Variants in GPC5 observed in about 807,000 individuals in gnomAD.
The protein encoded by GPC5 is glypican-5.
A neutral mutation model predicts 53.9 loss-of-function variants in GPC5; 47 were observed. That is an observed-to-expected ratio of 0.87 (90% CI 0.69 to 1.11). GPC5 has a LOEUF of 1.11. Ranked by LOEUF, GPC5 falls within the 50% of genes most tolerant of loss-of-function variation. GPC5 has a pLI of 0.00. For missense variants in GPC5, 748 were observed against 713.1 expected, an observed-to-expected ratio of 1.05 and a Z score of -0.56; for synonymous variants, 286 against 263.3, an observed-to-expected ratio of 1.09 and a Z score of -0.84.
intron 7 of GPC5, among the ~76,000 whole-genome samples, chr13:92,628,732 C>T (rs148512843): frequency 1.3e-5 from 2 of 152,198 alleles, no homozygotes; most frequent in Admixed American, 6.5e-5. Context: ...GTGTTCAAAC[C>T]CCTGACTCCT....
intron 7 of GPC5, among the ~76,000 whole-genome samples, chr13:92,419,669 C>A (rs1876473698): frequency 6.6e-6 from 1 of 152,160 alleles, no homozygotes; most frequent in Non-Finnish European, 1.5e-5. Context: ...GGTTTCTAGA[C>A]TAGCATACTG....
At chr13:92,804,498 A>G (rs989590458) in intron 7 of GPC5, among the ~76,000 whole-genome samples, 6 of 152,070 alleles carry the variant, frequency 3.9e-5, no homozygotes, top group Non-Finnish European at 8.8e-5. Context: ...CTAAAAAACA[A>G]TGCATACACT....
chr13:92,389,021 G>T (rs905426000), intron 7 of GPC5, among the ~76,000 whole-genome samples: 5 of 152,066 alleles, frequency 3.3e-5, no homozygotes, highest in African/African-American at 1.2e-4. Context: ...AGATGTCAGT[G>T]ATGGAAAGCA....
chr13:91,828,164 G>C lies in GPC5; in HGVS notation c.1280+71744G>C, dbSNP rs559715200. ...ATTGGTGCTTTGTGTAGAGTGGAAAGATAACTTTCTCAGATTACTTTAATG... is the reference window on the plus strand; with the variant it reads ...ATTGGTGCTTTGTGTAGAGTGGAAACATAACTTTCTCAGATTACTTTAATG... On this transcript the variant is annotated intron_variant, in intron 5 of 7. Coordinates refer to ENST00000377067, the MANE Select transcript of GPC5 (RefSeq NM_004466.6). 2.4e-4 allele frequency among the ~76,000 whole-genome samples: 36 copies of C among 152,162 alleles called. 1 individual carries two copies. The highest frequency in any genetic ancestry group is 8.4e-4 in the African/African-American group (35 of 41,542).
chr13:92,794,487 C>A (rs1032186575), intron 7 of GPC5, among the ~76,000 whole-genome samples: 1 of 152,040 alleles, frequency 6.6e-6, no homozygotes, highest in Non-Finnish European at 1.5e-5. Context: ...ACAAGGATGC[C>A]CTCTCTCACC....
At chr13:92,646,165 A>T (rs1467090491) in intron 7 of GPC5, among the ~76,000 whole-genome samples, 1 of 152,132 alleles carries the variant, frequency 6.6e-6, no homozygotes, top group African/African-American at 2.4e-5. Context: ...TACATGTTAC[A>T]TTCAGGCCTC....
chr13:92,601,471 T>C (rs759737228), intron 7 of GPC5, among the ~76,000 whole-genome samples: 1 of 149,112 alleles, frequency 6.7e-6, no homozygotes, highest in Non-Finnish European at 1.5e-5. Flanking sequence ...AGGAGAATTG[T>C]TTGAACCCAG....
chr13:91,992,171 A>G (rs1465608370), intron 6 of GPC5, among the ~76,000 whole-genome samples: 1 of 152,084 alleles, frequency 6.6e-6, no homozygotes, highest in Non-Finnish European at 1.5e-5. Flanking sequence ...AGCAGGGACT[A>G]TAGGTGCACA....
chr13:91,918,504 T>C (rs2139012946), intron 6 of GPC5, among the ~76,000 whole-genome samples: 1 of 152,320 alleles, frequency 6.6e-6, no homozygotes, highest in East Asian at 1.9e-4. Flanking sequence ...TTGTGCTAGA[T>C]AATTATCTTT....
At chr13:91,478,881 T>TTATATATATATATATATATACACA (rs1883133004) in intron 2 of GPC5, among the ~76,000 whole-genome samples, 3 of 67,510 alleles carry the variant, frequency 4.4e-5, no homozygotes, top group African/African-American at 2.0e-4. Flanking sequence ...TATATACACA[T>TTATATATATATATATATATACACA]TATATATATA....
At chr13:91,861,546 G>T (rs1018395479) in intron 5 of GPC5, among the ~76,000 whole-genome samples, 1 of 151,786 alleles carries the variant, frequency 6.6e-6, no homozygotes, top group Admixed American at 6.6e-5. Context: ...CCTAATGCTT[G>T]TTGTGTATAT....
chr13:92,676,505 A>G (rs559728888), intron 7 of GPC5, among the ~76,000 whole-genome samples: 10 of 152,218 alleles, frequency 6.6e-5, no homozygotes, highest in Non-Finnish European at 1.5e-4. Flanking sequence ...TCAAATAAAG[A>G]AACACGCAAA....
At chr13:92,013,581 T>C (rs767710422) in intron 6 of GPC5, among the ~76,000 whole-genome samples, 1 of 152,160 alleles carries the variant, frequency 6.6e-6, no homozygotes, top group East Asian at 1.9e-4. Context: ...CAAACAGGAA[T>C]AGACATTCTC....
chr13:91,647,460 C>A (rs2034589284), intron 2 of GPC5, among the ~76,000 whole-genome samples: 1 of 152,218 alleles, frequency 6.6e-6, no homozygotes, highest in African/African-American at 2.4e-5. Flanking sequence ...AGACCTCCAA[C>A]TCCAGCAAGC....
At chr13:91,641,834 G>A (rs1053501595) in intron 2 of GPC5, among the ~76,000 whole-genome samples, 1 of 152,200 alleles carries the variant, frequency 6.6e-6, no homozygotes, top group African/African-American at 2.4e-5. Context: ...CACTGAGTTC[G>A]AATTGGAGTT....
chr13:92,651,259 T>G (rs778749341), intron 7 of GPC5, among the ~76,000 whole-genome samples: 25 of 152,014 alleles, frequency 1.6e-4, no homozygotes, highest in Non-Finnish European at 2.5e-4. Flanking sequence ...AAAATAGAGT[T>G]ACTTTGTAGT....
At chr13:92,776,730 A>C (rs1875822505) in intron 7 of GPC5, among the ~76,000 whole-genome samples, 1 of 152,142 alleles carries the variant, frequency 6.6e-6, no homozygotes, top group Non-Finnish European at 1.5e-5. Context: ...ATATAGTCCA[A>C]AATGTATGTC....
intron 5 of GPC5, among the ~76,000 whole-genome samples, chr13:91,882,449 TTTA>T (rs528939072): frequency 2.0e-5 from 3 of 152,136 alleles, no homozygotes; most frequent in East Asian, 3.9e-4. Flanking sequence ...CATTAAATAT[TTTA>T]TTGTTTTCCA....
chr13:91,779,558 G>A (rs565895619), intron 5 of GPC5, among the ~76,000 whole-genome samples: 2 of 151,962 alleles, frequency 1.3e-5, no homozygotes, highest in South Asian at 2.1e-4. Context: ...GCAGAGTTTC[G>A]CCATGTTACC....
Sources: allele counts gnomAD v4.1 joint callset (sites outside exome capture counted in the v4.1 genomes callset), GRCh38; gene constraint gnomAD v4.1.1; transcripts MANE v1.5; gene names NCBI Gene and HGNC (gene_info 2026-07-23, HGNC 2026-07-21).